HTR4: variants seen among roughly 807,000 people sequenced by gnomAD.
The protein encoded by HTR4 is 5-hydroxytryptamine receptor 4.
In HTR4, 16 loss-of-function variants were observed where a neutral mutation model predicts 36.8. The ratio of observed to expected loss-of-function variants is 0.43; its 90% CI spans 0.29 to 0.66. The LOEUF is 0.66. HTR4 is among the 30% of genes least tolerant of loss of function. HTR4 has a pLI of 0.13. For missense variants in HTR4, 438 were observed against 490.9 expected, an observed-to-expected ratio of 0.89 and a Z score of 1.02; for synonymous variants, 189 against 185.1, an observed-to-expected ratio of 1.02 and a Z score of -0.17.
chr5:148,465,249 T>C (rs988114972), intron 5 of HTR4, among the ~76,000 whole-genome samples: 1 of 152,148 alleles, frequency 6.6e-6, no homozygotes, highest in African/African-American at 2.4e-5. Context: ...GATAATAATG[T>C]GTCAATATAG....
intron 2 of HTR4, among the ~76,000 whole-genome samples, chr5:148,627,656 A>G (rs898796910): frequency 1.9e-4 from 29 of 152,222 alleles, no homozygotes; most frequent in African/African-American, 6.3e-4. Context: ...GAGAAGGGGG[A>G]AAAAAGATTC....
downstream of HTR4, among the ~76,000 whole-genome samples, chr5:148,478,981 A>G (rs78351404): frequency 0.022 from 3,273 of 151,812 alleles, 125 homozygotes; most frequent in African/African-American, 0.075. Flanking sequence ...AGGCTCTTGG[A>G]TGGCTCGTGA....
At chr5:148,457,592 G>GGA (rs1426142164) in intron 5 of HTR4, among the ~76,000 whole-genome samples, 4 of 150,040 alleles carry the variant, frequency 2.7e-5, no homozygotes, top group Admixed American at 6.7e-5. Flanking sequence ...GGGTGAGGAG[G>GGA]GAGGTTTGCT....
intron 4 of HTR4, among the ~76,000 whole-genome samples, chr5:148,527,767 C>T (rs550144930): frequency 1.3e-5 from 2 of 152,236 alleles, no homozygotes; most frequent in South Asian, 4.1e-4. Context: ...GCGTGCACCA[C>T]CACACCCAGC....
intron 2 of HTR4, among the ~76,000 whole-genome samples, chr5:148,609,250 C>A (rs1264560471): frequency 6.6e-6 from 1 of 152,142 alleles, no homozygotes; most frequent in East Asian, 1.9e-4. Context: ...ATATTACCGG[C>A]AATTTTGTTC....
chr5:148,516,044 GATAC>G (rs1488169647), intron 5 of HTR4, among the ~76,000 whole-genome samples: 1 of 149,780 alleles, frequency 6.7e-6, no homozygotes, highest in African/African-American at 2.4e-5. Flanking sequence ...ATTCTGATAT[GATAC>G]ATATATATAC....
rs1445018180 is a variant in HTR4, at chr5:148,466,369, T to C, written c.1077-15097A>G. On this transcript the variant is annotated intron_variant, in intron 5 of 5. Coordinates refer to the HTR4 transcript ENST00000521530. ...AATGTGATACTCCCTTTCCTTCTTT[T>C]AAACAAACAGCACTTTCTGCTTCTG... Among the ~76,000 whole-genome samples the C allele has an allele frequency of 2.0e-5, 3 of 152,354 alleles. No individual in the cohort carries two copies. In the Middle Eastern group the frequency reaches 0.01, roughly 518 times the overall value.
intron 5 of HTR4, among the ~76,000 whole-genome samples, chr5:148,460,776 G>GATT (rs1755256286): frequency 6.6e-6 from 1 of 152,078 alleles, no homozygotes; most frequent in African/African-American, 2.4e-5. Context: ...TAATTGCTCA[G>GATT]GTAGATAACA....
Position 148,483,775 on chromosome 5 carries a change from A to G in HTR4, c.1077-482T>C, listed in dbSNP as rs542504290. Among the ~76,000 whole-genome samples the G allele has an allele frequency of 7.2e-4, 110 of 152,222 alleles. 1 individual carries two copies. The highest frequency in any genetic ancestry group is 2.4e-3 in the African/African-American group (100 of 41,524). ...TTACATCATGTGCTTTTCATCATCA[A>G]TTGGGTTTATTTCTATTAATGTAGT... is the stretch of plus-strand genomic sequence containing the variant. On this transcript the variant is annotated intron_variant, in intron 6 of 6. Coordinates refer to ENST00000377888, the MANE Select transcript of HTR4 (RefSeq NM_000870.7).
At chr5:148,579,347 C>T (rs1461986050) in intron 2 of HTR4, among the ~76,000 whole-genome samples, 1 of 152,012 alleles carries the variant, frequency 6.6e-6, no homozygotes, top group African/African-American at 2.4e-5. Flanking sequence ...AGTTAGTCTA[C>T]TTCTCACCTA....
chr5:148,469,824 G>C (rs1024435057), intron 5 of HTR4, among the ~76,000 whole-genome samples: 7 of 152,316 alleles, frequency 4.6e-5, no homozygotes, highest in Admixed American at 2.0e-4. Context: ...TATTTTGATG[G>C]AGAGGCAGTA....
At chr5:148,539,435 C>T (rs1187344731) in intron 4 of HTR4, among the ~76,000 whole-genome samples, 3 of 152,184 alleles carry the variant, frequency 2.0e-5, no homozygotes, top group Middle Eastern at 3.4e-3. Context: ...CAAACAGACC[C>T]TACAGAATAG....
At chr5:148,507,684 C>G (rs1757292745) in intron 6 of HTR4, among the ~76,000 whole-genome samples, 1 of 152,042 alleles carries the variant, frequency 6.6e-6, no homozygotes, top group East Asian at 1.9e-4. Flanking sequence ...CCAGACGCAG[C>G]AGGATTTTAA....
intron 2 of HTR4, among the ~76,000 whole-genome samples, chr5:148,574,476 T>A (rs922128837): frequency 6.6e-6 from 1 of 152,094 alleles, no homozygotes. Flanking sequence ...TGTCAAAAGC[T>A]TTCTTTATGA....
chr5:148,595,591 A>C (rs1212606386), intron 2 of HTR4, among the ~76,000 whole-genome samples: 3 of 152,166 alleles, frequency 2.0e-5, no homozygotes, highest in Non-Finnish European at 4.4e-5. Flanking sequence ...TAACAGGAAA[A>C]GTCTTCATAT....
At chr5:148,578,612 G>A (rs747257203) in intron 2 of HTR4, among the ~76,000 whole-genome samples, 10 of 152,060 alleles carry the variant, frequency 6.6e-5, no homozygotes, top group Non-Finnish European at 1.2e-4. Flanking sequence ...ATCGCTAAAA[G>A]CACAGTCTTT....
intron 5 of HTR4, among the ~76,000 whole-genome samples, chr5:148,465,392 C>A (rs1480902661): frequency 6.6e-6 from 1 of 152,134 alleles, no homozygotes; most frequent in Non-Finnish European, 1.5e-5. Context: ...TAAAACTGCT[C>A]TAAAAAGTAG....
downstream of HTR4, among the ~76,000 whole-genome samples, chr5:148,481,078 G>A (rs1755862240): frequency 6.6e-6 from 1 of 152,220 alleles, no homozygotes; most frequent in African/African-American, 2.4e-5. Flanking sequence ...CCACCAATGT[G>A]CTCATGCAGG....
intron 1 of HTR4, among the ~76,000 whole-genome samples, chr5:148,648,208 T>C (rs548594292): frequency 7.2e-5 from 11 of 152,258 alleles, no homozygotes; most frequent in Middle Eastern, 3.4e-3. Flanking sequence ...ACAGAGTTTT[T>C]AGAAAAGTTA....
Sources: allele counts gnomAD v4.1 joint callset (sites outside exome capture counted in the v4.1 genomes callset), GRCh38; gene constraint gnomAD v4.1.1; transcripts MANE v1.5; gene names NCBI Gene and HGNC (gene_info 2026-07-23, HGNC 2026-07-21).